Variants in ARID5B observed in about 807,000 individuals in gnomAD.
The protein encoded by ARID5B is AT-rich interaction domain 5B, also known as AT-rich interactive domain-containing protein 5B.
In ARID5B, 13 loss-of-function variants were observed where a neutral mutation model predicts 97.2. That is an observed-to-expected ratio of 0.13 (90% CI 0.09 to 0.21). The LOEUF (loss-of-function observed/expected upper bound fraction) is 0.21. Ranked by LOEUF, ARID5B falls within the 10% of genes least tolerant of loss-of-function variation. The pLI is 1.00. For missense variants in ARID5B, 1,210 were observed against 1,465.3 expected (o/e 0.83, Z 2.84); for synonymous variants, 556 against 570.3 (o/e 0.97, Z 0.36).
intron 4 of ARID5B, among the ~76,000 whole-genome samples, chr10:62,042,787 C>T (rs1215218187): frequency 1.3e-5 from 2 of 151,666 alleles, no homozygotes; most frequent in African/African-American, 2.4e-5. Flanking sequence ...TGGTGGCGGG[C>T]GCCTGTAGTC....
intron 4 of ARID5B, among the ~76,000 whole-genome samples, chr10:62,006,302 C>T (rs1034872571): frequency 6.6e-6 from 1 of 152,038 alleles, no homozygotes; most frequent in Non-Finnish European, 1.5e-5. Context: ...ATTAGCCAGG[C>T]GTGGTGGCGA....
intron 4 of ARID5B, among the ~76,000 whole-genome samples, chr10:62,011,955 C>T (rs1839223222): frequency 6.6e-6 from 1 of 152,026 alleles, no homozygotes; most frequent in African/African-American, 2.4e-5. Flanking sequence ...CTTCCATAAA[C>T]CAGATGCTCC....
At chr10:62,059,336 T>C in intron 7 of ARID5B, 41 bp downstream of exon 7, 2 of 1,574,022 alleles carry the variant, frequency 1.3e-6, no homozygotes, top group Non-Finnish European at 1.7e-6. Flanking sequence ...TTTTGCAATC[T>C]AACTTTTCCC....
intron 3 of ARID5B, among the ~76,000 whole-genome samples, chr10:61,992,566 T>G (rs150836927): frequency 6.6e-6 from 1 of 152,246 alleles, no homozygotes; most frequent in Non-Finnish European, 1.5e-5. Flanking sequence ...TTCTTTGTTT[T>G]GTTTGCATCC....
In ARID5B at chr10:62,006,935, G is replaced by A. The variant is rs181798162; in HGVS notation, c.733+6614G>A. Among the ~76,000 whole-genome samples the A allele has an allele frequency of 1.7e-3, 261 of 152,228 alleles. 2 individuals carry two copies. Among genetic ancestry groups the A allele is most frequent in the African/African-American group, 5.6e-3 (233 of 41,532 alleles). ...ATGGGTACAATAAACTTTTGTTCAC[G>A]CCGTAAGAAATGATTTGTGTCTATA... On this transcript the variant is annotated intron_variant, in intron 4 of 9. Coordinates refer to ENST00000279873, the MANE Select transcript of ARID5B (RefSeq NM_032199.3).
At chr10:62,016,150 G>C (rs780108473) in intron 4 of ARID5B, among the ~76,000 whole-genome samples, 1 of 152,258 alleles carries the variant, frequency 6.6e-6, no homozygotes, top group African/African-American at 2.4e-5. Flanking sequence ...TACAACCCAC[G>C]GGCCATGTGC....
chr10:61,941,774 G>A (rs1844415028), intron 3 of ARID5B, among the ~76,000 whole-genome samples: 1 of 152,128 alleles, frequency 6.6e-6, no homozygotes, highest in African/African-American at 2.4e-5. Flanking sequence ...ATTGTCACCT[G>A]CACATTTAGA....
chr10:62,057,908 A>G (rs1406047073), intron 6 of ARID5B, among the ~76,000 whole-genome samples: 2 of 152,184 alleles, frequency 1.3e-5, no homozygotes, highest in African/African-American at 4.8e-5. Context: ...TCATAGCCAA[A>G]CAGAATTCCA....
chr10:61,997,955 T>C (rs989258171), intron 3 of ARID5B, among the ~76,000 whole-genome samples: 1 of 152,176 alleles, frequency 6.6e-6, no homozygotes, highest in African/African-American at 2.4e-5. Flanking sequence ...TTGGGACATA[T>C]ATCAGCATCT....
chr10:62,055,316 T>C (rs1220930476), intron 5 of ARID5B, among the ~76,000 whole-genome samples: 1 of 152,194 alleles, frequency 6.6e-6, no homozygotes, highest in Non-Finnish European at 1.5e-5. Flanking sequence ...CATGATCTTG[T>C]GATGTTGTAC....
intron 2 of ARID5B, among the ~76,000 whole-genome samples, chr10:61,904,549 G>C (rs1347135629): frequency 6.6e-6 from 1 of 152,184 alleles, no homozygotes; most frequent in Admixed American, 6.5e-5. Context: ...AGCCATACCT[G>C]AGAAAATTAA....
At chr10:62,031,883 A>G (rs1294943960) in intron 4 of ARID5B, among the ~76,000 whole-genome samples, 1 of 152,196 alleles carries the variant, frequency 6.6e-6, no homozygotes, top group East Asian at 1.9e-4. Context: ...AATTGATGAT[A>G]AGAAAAAATC....
chr10:61,994,137 A>G (rs192132775), intron 3 of ARID5B, among the ~76,000 whole-genome samples: 305 of 152,296 alleles, frequency 2.0e-3, no homozygotes, highest in Middle Eastern at 6.8e-3. Context: ...CGATTAAGAG[A>G]ACTAAAGGGC....
chr10:62,037,108 T>G (rs1341402846), intron 4 of ARID5B, among the ~76,000 whole-genome samples: 1 of 152,172 alleles, frequency 6.6e-6, no homozygotes, highest in Non-Finnish European at 1.5e-5. Flanking sequence ...CTCTAATTTT[T>G]TAAGATACAA....
chr10:62,083,280 G>T (rs2132974141), intron 8 of ARID5B, among the ~76,000 whole-genome samples: 1 of 129,094 alleles, frequency 7.7e-6, no homozygotes, highest in Non-Finnish European at 1.7e-5. Context: ...TTGAGTGAAG[G>T]GGAGAAAAAA....
intron 9 of ARID5B, among the ~76,000 whole-genome samples, chr10:62,088,129 C>T (rs10761606): frequency 0.8 from 120,717 of 151,748 alleles, 48,613 homozygotes; most frequent in Middle Eastern, 0.93. Flanking sequence ...GGCCTCCCAA[C>T]GTGCTGAGAT....
chr10:61,927,943 G>A (rs961980143), intron 2 of ARID5B, among the ~76,000 whole-genome samples: 11 of 152,112 alleles, frequency 7.2e-5, no homozygotes, highest in African/African-American at 1.9e-4. Flanking sequence ...TGACCTATGC[G>A]GGCTCCATTA....
intron 3 of ARID5B, among the ~76,000 whole-genome samples, chr10:61,971,806 G>T (rs1838631691): frequency 6.6e-6 from 1 of 152,090 alleles, no homozygotes; most frequent in Admixed American, 6.5e-5. Flanking sequence ...TCCTAACTTG[G>T]TGCAGCTATT....
At chr10:61,928,286 CT>C (rs1345930401) in intron 2 of ARID5B, among the ~76,000 whole-genome samples, 1 of 152,046 alleles carries the variant, frequency 6.6e-6, no homozygotes, top group Admixed American at 6.6e-5. Context: ...AAAACCTCCC[CT>C]TGAATTATTA....
Sources: allele counts gnomAD v4.1 joint callset (sites outside exome capture counted in the v4.1 genomes callset), GRCh38; gene constraint gnomAD v4.1.1; transcripts MANE v1.5; gene names NCBI Gene and HGNC (gene_info 2026-07-23, HGNC 2026-07-21).